The following TAFA1 variants were observed in gnomAD, a reference collection of about 807,000 sequenced individuals.
TAFA1 encodes the protein TAFA chemokine like family member 1, also known as chemokine-like protein TAFA-1.
A neutral mutation model predicts 18.5 loss-of-function variants in TAFA1; 4 were observed. The ratio of observed to expected loss-of-function variants is 0.22; its 90% CI spans 0.11 to 0.49. The LOEUF (loss-of-function observed/expected upper bound fraction) is 0.49, where lower values mean the gene tolerates loss of function less well. Among genes scored for constraint, TAFA1 ranks in the 20% least tolerant of loss-of-function variants. The pLI is 0.98. For synonymous variants in TAFA1, 56 were observed against 55.2 expected, an observed-to-expected ratio of 1.01 and a Z score of -0.06; for missense variants, 147 against 169.0, an observed-to-expected ratio of 0.87 and a Z score of 0.72.
intron 2 of TAFA1, among the ~76,000 whole-genome samples, chr3:68,101,532 A>G (rs1323094286): frequency 3.3e-5 from 5 of 152,140 alleles, no homozygotes; most frequent in Non-Finnish European, 5.9e-5. Flanking sequence ...TGTCCTTTGT[A>G]GGGACATGGA....
intron 2 of TAFA1, among the ~76,000 whole-genome samples, chr3:68,117,265 A>T (rs2065335548): frequency 6.6e-6 from 1 of 152,192 alleles, no homozygotes; most frequent in Non-Finnish European, 1.5e-5. Flanking sequence ...ATATGGGAAG[A>T]TATGAATCAA....
intron 2 of TAFA1, among the ~76,000 whole-genome samples, chr3:68,391,057 A>C (rs908855229): frequency 6.6e-6 from 1 of 152,084 alleles, no homozygotes; most frequent in Non-Finnish European, 1.5e-5. Context: ...AATAACAAAA[A>C]TCCTCTGAGC....
At chr3:68,182,362 C>A (rs1330998170) in intron 2 of TAFA1, among the ~76,000 whole-genome samples, 1 of 152,130 alleles carries the variant, frequency 6.6e-6, no homozygotes, top group Non-Finnish European at 1.5e-5. Flanking sequence ...GTGTATTGTG[C>A]TCAGTATGGA....
At chr3:68,184,914 A>T (rs961769888) in intron 2 of TAFA1, among the ~76,000 whole-genome samples, 5 of 152,180 alleles carry the variant, frequency 3.3e-5, no homozygotes, top group Admixed American at 6.5e-5. Flanking sequence ...AACACCCGGG[A>T]TGTTTTTCTA....
chr3:68,512,778 C>CA (rs541095274), intron 3 of TAFA1, among the ~76,000 whole-genome samples: 2,241 of 150,086 alleles, frequency 0.015, 44 homozygotes, highest in African/African-American at 0.05. Flanking sequence ...TTTAAGTTAA[C>CA]AAAAAAAAAC....
chr3:68,020,074 G>A (rs1289898628), intron 2 of TAFA1, among the ~76,000 whole-genome samples: 1 of 152,222 alleles, frequency 6.6e-6, no homozygotes, highest in African/African-American at 2.4e-5. Flanking sequence ...TGGGCTAAGT[G>A]CCCTACATGG....
At chr3:68,143,891 C>G (rs1388134526) in intron 2 of TAFA1, among the ~76,000 whole-genome samples, 1 of 152,180 alleles carries the variant, frequency 6.6e-6, no homozygotes, top group Non-Finnish European at 1.5e-5. Flanking sequence ...TTTGGTTCCT[C>G]TGTGTCCCTG....
At chr3:68,354,213 G>T (rs571810394) in intron 2 of TAFA1, among the ~76,000 whole-genome samples, 1 of 151,578 alleles carries the variant, frequency 6.6e-6, no homozygotes, top group East Asian at 2.0e-4. Context: ...TTTAGTACAG[G>T]GTGATTTCTT....
chr3:68,194,645 T>C (rs1253808609), intron 2 of TAFA1, among the ~76,000 whole-genome samples: 1 of 151,724 alleles, frequency 6.6e-6, no homozygotes, highest in Non-Finnish European at 1.5e-5. Context: ...GCCTCCAGAA[T>C]TGTGAAAGAA....
chr3:68,266,054 G>C (rs760779653), intron 2 of TAFA1, among the ~76,000 whole-genome samples: 1 of 152,142 alleles, frequency 6.6e-6, no homozygotes, highest in Non-Finnish European at 1.5e-5. Context: ...GCCTGTGCCA[G>C]GCTGCTGCAT....
chr3:68,462,091 CAA>C (rs1196719744), intron 3 of TAFA1, among the ~76,000 whole-genome samples: 1 of 152,032 alleles, frequency 6.6e-6, no homozygotes, highest in Admixed American at 6.6e-5. Context: ...ATAAAAAAGA[CAA>C]AAAGCTTAGA....
intron 2 of TAFA1, among the ~76,000 whole-genome samples, chr3:68,383,006 C>T (rs2070008673): frequency 6.6e-6 from 1 of 152,056 alleles, no homozygotes; most frequent in Non-Finnish European, 1.5e-5. Flanking sequence ...TTCAGCTTGA[C>T]TATTGTTGAT....
At chr3:68,443,487 A>AC (rs1308353343) in intron 3 of TAFA1, among the ~76,000 whole-genome samples, 5 of 151,542 alleles carry the variant, frequency 3.3e-5, no homozygotes, top group Non-Finnish European at 4.4e-5. Flanking sequence ...AAAAAAAAAA[A>AC]AAAAAAAAAC....
At chr3:68,237,126 A>G (rs1175471858) in intron 2 of TAFA1, among the ~76,000 whole-genome samples, 1 of 152,214 alleles carries the variant, frequency 6.6e-6, no homozygotes, top group Non-Finnish European at 1.5e-5. Context: ...AACAACAGAA[A>G]TGTATTTCTC....
chr3:68,096,736 A>G (rs938470138), intron 2 of TAFA1, among the ~76,000 whole-genome samples: 2 of 152,164 alleles, frequency 1.3e-5, no homozygotes, highest in Non-Finnish European at 2.9e-5. Context: ...CTAACAAGAA[A>G]GACATTGTCA....
At chr3:68,073,705 G>C (rs1196321973) in intron 2 of TAFA1, among the ~76,000 whole-genome samples, 2 of 152,092 alleles carry the variant, frequency 1.3e-5, no homozygotes, top group African/African-American at 4.8e-5. Context: ...TATACTGGTG[G>C]TGAGAGTAGC....
intron 2 of TAFA1, among the ~76,000 whole-genome samples, chr3:68,282,597 C>T (rs925436601): frequency 6.6e-6 from 1 of 152,108 alleles, no homozygotes; most frequent in Non-Finnish European, 1.5e-5. Flanking sequence ...CTCATGGAGT[C>T]CACACCTGGG....
chr3:68,322,890 C>T lies in TAFA1; in HGVS notation c.119-94390C>T, dbSNP rs142085126. 2.8e-4 allele frequency among the ~76,000 whole-genome samples: 42 copies of T among 152,122 alleles called. No homozygotes were observed. The South Asian group carries it at 5.0e-3, about 18-fold the overall frequency. On this transcript the variant is annotated intron_variant, in intron 2 of 4. Coordinates refer to ENST00000478136, the MANE Select transcript of TAFA1 (RefSeq NM_213609.4). ...CCTTGGAGGCAGAGGTTGCAGTGAGCGAAGATCACACCACTGCACTCCAGC... is the reference window on the plus strand; with the variant it reads ...CCTTGGAGGCAGAGGTTGCAGTGAGTGAAGATCACACCACTGCACTCCAGC...
At chr3:68,365,356 C>T (rs1035867557) in intron 2 of TAFA1, among the ~76,000 whole-genome samples, 1 of 152,006 alleles carries the variant, frequency 6.6e-6, no homozygotes, top group African/African-American at 2.4e-5. Context: ...ATATTGGTAC[C>T]CAGAGAAGTT....
Sources: gnomAD v4.1 joint callset for allele counts (sites outside exome capture counted in the v4.1 genomes callset) on GRCh38, gnomAD v4.1.1 for gene constraint, MANE v1.5 for transcripts, NCBI Gene and HGNC (gene_info 2026-07-23, HGNC 2026-07-21) for gene names.